Variants in BNC2 observed in about 807,000 individuals in gnomAD.
The protein encoded by BNC2 is basonuclin zinc finger protein 2.
Under a neutral mutation model 76.3 loss-of-function variants are expected in BNC2, and 20 were observed. The observed-to-expected ratio is 0.26, with a 90% CI of 0.18 to 0.38. BNC2 has a LOEUF of 0.38. Ranked by LOEUF, BNC2 falls within the 10% of genes least tolerant of loss-of-function variation. The pLI, the probability that BNC2 is intolerant of heterozygous loss-of-function variation, is 1.00. For missense variants in BNC2, 1,382 were observed against 1,399.8 expected, an observed-to-expected ratio of 0.99 and a Z score of 0.20; for synonymous variants, 582 against 514.8, an observed-to-expected ratio of 1.13 and a Z score of -1.77.
intron 1 of BNC2, among the ~76,000 whole-genome samples, chr9:16,808,605 CG>C (rs1817970983): frequency 6.6e-6 from 1 of 151,010 alleles, no homozygotes; most frequent in African/African-American, 2.4e-5. Flanking sequence ...CCTCCCACCT[CG>C]GCCTCCTGAG....
Position 16,552,629 on chromosome 9 carries a change from C to T in BNC2, c.570G>A (p.Leu190=), listed in dbSNP as rs572521809. 1 of 1,614,212 alleles carries T rather than the reference C, an allele frequency of 6.2e-7. No homozygotes were observed. Among genetic ancestry groups the T allele is most frequent in the Admixed American group, 1.7e-5 (1 of 60,028 alleles). ...GCTTCAGGACGCTGAAGAGACGGTC[C>T]AGCAGGATCTTTAGCCGCACAGGCA... ...QAVPVRLKIL[L]DRLFSVLKQE... Residue 190 remains leucine, a synonymous_variant, in exon 5 of 7, where the codon CTG becomes CTA. Coordinates refer to ENST00000380672, the MANE Select transcript of BNC2 (RefSeq NM_017637.6).
At chr9:16,770,052 T>A (rs1457439737) in intron 1 of BNC2, among the ~76,000 whole-genome samples, 3 of 152,158 alleles carry the variant, frequency 2.0e-5, no homozygotes, top group Admixed American at 2.0e-4. Flanking sequence ...CCAAAATGAA[T>A]GTAAGGCCCA....
intron 1 of BNC2, among the ~76,000 whole-genome samples, chr9:16,793,547 C>T (rs1817568438): frequency 1.3e-5 from 2 of 151,928 alleles, no homozygotes; most frequent in South Asian, 4.2e-4. Flanking sequence ...AGGGATTCTC[C>T]TGCTGCAGCC....
intron 1 of BNC2, among the ~76,000 whole-genome samples, chr9:16,810,785 T>C (rs1317232789): frequency 6.6e-6 from 1 of 151,944 alleles, no homozygotes; most frequent in African/African-American, 2.4e-5. Context: ...TACCTCAGAG[T>C]TCCATGGGAA....
At chr9:16,792,202 C>A (rs10962596) in intron 1 of BNC2, among the ~76,000 whole-genome samples, 1 of 151,360 alleles carries the variant, frequency 6.6e-6, no homozygotes, top group Admixed American at 6.6e-5. Flanking sequence ...TTTTCACTTA[C>A]AATCCTCATG....
In BNC2 at chr9:16,412,883, G is replaced by C. The variant is rs1820503686; in HGVS notation, c.*6106C>G. 6.6e-6 allele frequency: 1 copy of C among 152,530 alleles called. No individual in the cohort carries two copies. The highest frequency in any genetic ancestry group is 2.4e-5 in the African/African-American group (1 of 41,418). The allele number at this position is 152,530 out of a possible 1,614,324, so 9.4% of individuals were successfully genotyped here. A position where few individuals can be genotyped will look rare whatever the true frequency, so the allele number is the denominator to read the frequency against. The stretch of plus-strand genomic sequence containing the variant: ...GGCAATTACGCATCCTTTTATATTT[G>C]ATGGCCAAGTGCTGAACTGGAAAGC... On this transcript the variant is annotated 3_prime_UTR_variant, in exon 7 of 7. Coordinates refer to ENST00000380672, the MANE Select transcript of BNC2 (RefSeq NM_017637.6).
At chr9:16,634,335 C>T (rs974562959) in intron 3 of BNC2, among the ~76,000 whole-genome samples, 1 of 152,142 alleles carries the variant, frequency 6.6e-6, no homozygotes, top group African/African-American at 2.4e-5. Context: ...GAAAGTATCA[C>T]CAACAGCTTA....
At chr9:16,797,161 C>T (rs1817677865) in intron 1 of BNC2, among the ~76,000 whole-genome samples, 2 of 149,016 alleles carry the variant, frequency 1.3e-5, no homozygotes, top group South Asian at 4.2e-4. Context: ...TTTTTTTTTA[C>T]TTAACCTTCT....
At chr9:16,847,166 G>C (rs202097979) in intron 1 of BNC2, among the ~76,000 whole-genome samples, 88 of 152,156 alleles carry the variant, frequency 5.8e-4, no homozygotes, top group East Asian at 5.8e-4. Context: ...AAGCATATAA[G>C]AGATATAATT....
At chr9:16,457,429 G>C (rs113433210) in intron 5 of BNC2, among the ~76,000 whole-genome samples, 4 of 152,200 alleles carry the variant, frequency 2.6e-5, no homozygotes, top group African/African-American at 7.2e-5. Flanking sequence ...TACAGTGATG[G>C]GATACAAAGC....
At chr9:16,692,793 G>T (rs866300495) in intron 3 of BNC2, among the ~76,000 whole-genome samples, 4 of 152,120 alleles carry the variant, frequency 2.6e-5, no homozygotes, top group South Asian at 4.2e-4. Flanking sequence ...TGTTTGGAAT[G>T]ACCGAAAAGA....
intron 5 of BNC2, among the ~76,000 whole-genome samples, chr9:16,527,939 T>C (rs1817861523): frequency 1.3e-5 from 2 of 152,154 alleles, no homozygotes; most frequent in South Asian, 2.1e-4. Context: ...GAGATAACCA[T>C]GAGGTAAATT....
intron 1 of BNC2, among the ~76,000 whole-genome samples, chr9:16,853,712 C>CA (rs1368231289): frequency 6.6e-6 from 1 of 151,946 alleles, no homozygotes; most frequent in African/African-American, 2.4e-5. Flanking sequence ...ACTAAAACTA[C>CA]AAAAAATTAG....
At chr9:16,668,895 T>A (rs1008416044) in intron 3 of BNC2, among the ~76,000 whole-genome samples, 2 of 152,164 alleles carry the variant, frequency 1.3e-5, no homozygotes. Context: ...GAGCAAATAA[T>A]TCACAACAAT....
At chr9:16,855,735 A>G (rs1269150529) in intron 1 of BNC2, among the ~76,000 whole-genome samples, 1 of 150,442 alleles carries the variant, frequency 6.6e-6, no homozygotes, top group African/African-American at 2.4e-5. Flanking sequence ...TTTTAAGTAG[A>G]GACGGGGTTT....
In BNC2 at chr9:16,870,653, G is replaced by A; in HGVS notation, c.-5C>T. The A allele has an allele frequency of 6.2e-7, 1 of 1,610,976 alleles. No homozygotes were observed. The highest frequency in any genetic ancestry group is 8.5e-7 in the Non-Finnish European group (1 of 1,178,554). ...AGGGTGGAAACTTCTTACCATCTCG[G>A]CATGCTGGTTGTCAAGTGCAGCCCC... On this transcript the variant is annotated 5_prime_UTR_variant, in exon 1 of 7. Coordinates refer to ENST00000380672, the MANE Select transcript of BNC2 (RefSeq NM_017637.6).
intron 1 of BNC2, among the ~76,000 whole-genome samples, chr9:16,761,459 C>T (rs1344213469): frequency 6.6e-6 from 1 of 152,282 alleles, no homozygotes; most frequent in South Asian, 2.1e-4. Context: ...TGTATTCTTC[C>T]TCTTCAAGAA....
intron 3 of BNC2, among the ~76,000 whole-genome samples, chr9:16,676,409 CTA>C (rs1346875996): frequency 1.3e-5 from 2 of 152,304 alleles, no homozygotes; most frequent in East Asian, 1.9e-4. Flanking sequence ...TTGTTTTTCT[CTA>C]TGTTTTCCTT....
At chr9:16,522,560 T>C (rs1817650977) in intron 5 of BNC2, among the ~76,000 whole-genome samples, 1 of 152,086 alleles carries the variant, frequency 6.6e-6, no homozygotes, top group Non-Finnish European at 1.5e-5. Flanking sequence ...TTTACAGGGA[T>C]GGGGGAGGGT....
Sources: gnomAD v4.1 joint callset for allele counts (sites outside exome capture counted in the v4.1 genomes callset) on GRCh38, gnomAD v4.1.1 for gene constraint, MANE v1.5 for transcripts, NCBI Gene and HGNC (gene_info 2026-07-23, HGNC 2026-07-21) for gene names.